VWA3B: variants seen among roughly 807,000 people sequenced by gnomAD.
VWA3B encodes von Willebrand factor A domain containing 3B, also known as von Willebrand factor A domain-containing protein 3B.
In VWA3B, 138 loss-of-function variants were observed where a neutral mutation model predicts 158.3. The ratio of observed to expected loss-of-function variants is 0.87; its 90% CI spans 0.76 to 1.00. The LOEUF is 1.00. VWA3B is among the 50% of genes least tolerant of loss of function. VWA3B has a pLI of 0.00. For synonymous variants in VWA3B, 596 were observed against 587.3 expected (o/e 1.01, Z -0.21); for missense variants, 1,555 against 1,565.1 (o/e 0.99, Z 0.11).
intron 26 of VWA3B, among the ~76,000 whole-genome samples, chr2:98,308,918 C>T (rs1042272380): frequency 6.6e-6 from 1 of 152,074 alleles, no homozygotes; most frequent in African/African-American, 2.4e-5. Context: ...ATGCCTGTAA[C>T]CCTAGCACTT....
Position 98,222,646 on chromosome 2 carries a change from G to C in VWA3B, c.2019+4618G>C, listed in dbSNP as rs566007709. On this transcript the variant is annotated intron_variant, in intron 14 of 27. Transcript: ENST00000477737. The stretch of plus-strand genomic sequence containing the variant: ...GGAACACCTGGAGGACAGCAGGGGA[G>C]GTACCAAGAGACACCTGGAAGCCTG... 9.2e-5 allele frequency among the ~76,000 whole-genome samples: 14 copies of C among 152,264 alleles called. No individual in the cohort carries two copies. In the South Asian group the frequency reaches 2.9e-3, roughly 32 times the overall value.
intron 2 of VWA3B, among the ~76,000 whole-genome samples, chr2:98,094,968 A>G (rs917463488): frequency 1.2e-4 from 18 of 152,070 alleles, no homozygotes; most frequent in African/African-American, 4.3e-4. Flanking sequence ...TCTCTATTCT[A>G]TTCCATTGAT....
At chr2:98,323,746 G>A in the VWA3B span, among the ~76,000 whole-genome samples, 9 of 152,142 alleles carry the variant, frequency 5.9e-5, no homozygotes, top group African/African-American at 1.9e-4. Flanking sequence ...AAAGCTATAG[G>A]CACTGGAGGA....
chr2:98,215,636 G>T (rs1683921531), intron 13 of VWA3B, among the ~76,000 whole-genome samples: 1 of 149,314 alleles, frequency 6.7e-6, no homozygotes, highest in Non-Finnish European at 1.5e-5. Context: ...TCCTGCCTCA[G>T]CCTCCCCAGC....
At chr2:98,303,421 G>GGTGTGTGTGTGTGTGTGTGTGT (rs58157632) in intron 25 of VWA3B, among the ~76,000 whole-genome samples, 1 of 146,552 alleles carries the variant, frequency 6.8e-6, no homozygotes, top group African/African-American at 2.5e-5. Context: ...GTTATGTGAA[G>GGTGTGTGTGTGTGTGTGTGTGT]GTGTGTGTGT....
At chr2:98,276,173 G>C (rs576907342) in intron 22 of VWA3B, among the ~76,000 whole-genome samples, 3 of 152,268 alleles carry the variant, frequency 2.0e-5, no homozygotes, top group East Asian at 3.9e-4. Context: ...CTTTCCACTC[G>C]TGGCATGGCT....
intron 2 of VWA3B, among the ~76,000 whole-genome samples, chr2:98,104,866 A>G (rs1280106600): frequency 6.6e-6 from 1 of 152,228 alleles, no homozygotes; most frequent in Non-Finnish European, 1.5e-5. Context: ...TAGATTTCAT[A>G]TGACTTCATA....
At chr2:98,242,264 C>A in intron 19 of VWA3B, 1 of 456,142 alleles carries the variant, frequency 2.2e-6, no homozygotes. Context: ...CAGTGTTTCC[C>A]GGACCAGCCT....
intron 15 of VWA3B, 101 bp from the exon 16 acceptor site, chr2:98,229,949 G>T: frequency 7.7e-7 from 1 of 1,297,344 alleles, no homozygotes; most frequent in Non-Finnish European, 1.0e-6. Context: ...TTTAAAGTTT[G>T]CAGTGTTCAA....
At chr2:98,168,509 T>C (rs1265577756) in intron 8 of VWA3B, among the ~76,000 whole-genome samples, 1 of 152,128 alleles carries the variant, frequency 6.6e-6, no homozygotes, top group Non-Finnish European at 1.5e-5. Context: ...CCTTTCATCA[T>C]TGGCTAGCCA....
intron 22 of VWA3B, among the ~76,000 whole-genome samples, chr2:98,279,365 G>A (rs1200528941): frequency 6.6e-5 from 10 of 152,130 alleles, no homozygotes; most frequent in African/African-American, 1.7e-4. Context: ...CACCCTCCTC[G>A]CTGGAGATTC....
At chr2:98,314,235 G>C (rs1251763940), downstream of VWA3B, among the ~76,000 whole-genome samples, 1 of 152,236 alleles carries the variant, frequency 6.6e-6, no homozygotes, top group East Asian at 1.9e-4. Flanking sequence ...CAGGGTCAGG[G>C]CTGGTGAGCA....
At chr2:98,227,746 G>T (rs1468858134) in intron 14 of VWA3B, among the ~76,000 whole-genome samples, 1 of 152,172 alleles carries the variant, frequency 6.6e-6, no homozygotes, top group Non-Finnish European at 1.5e-5. Flanking sequence ...TTGAGGGAGA[G>T]GGCTTGTAGG....
chr2:98,321,533 C>T, the VWA3B span, among the ~76,000 whole-genome samples: 3 of 152,236 alleles, frequency 2.0e-5, no homozygotes, highest in Non-Finnish European at 2.9e-5. Context: ...GGAAGCTTAT[C>T]TCTTGCATCA....
intron 6 of VWA3B, among the ~76,000 whole-genome samples, chr2:98,130,998 C>T (rs62154878): frequency 0.087 from 13,305 of 152,256 alleles, 762 homozygotes; most frequent in East Asian, 0.16. Context: ...AGCCACCCTA[C>T]TTTACCATCG....
chr2:98,207,602 A>G (rs1401535565), intron 12 of VWA3B: 1 of 497,122 alleles, frequency 2.0e-6, no homozygotes, highest in Non-Finnish European at 4.0e-6. Flanking sequence ...CTCCTGAAGG[A>G]GACCATTAAA....
At chr2:98,163,042 T>C (rs758707557) in intron 8 of VWA3B, 66 bp downstream of exon 8, 1 of 1,591,986 alleles carries the variant, frequency 6.3e-7, no homozygotes. Context: ...GACCAGGGGC[T>C]GCTTCCATGT....
chr2:98,314,752 G>A (rs1210772745), downstream of VWA3B, among the ~76,000 whole-genome samples: 1 of 152,224 alleles, frequency 6.6e-6, no homozygotes, highest in African/African-American at 2.4e-5. Context: ...GCCGGACTTG[G>A]TGGCTCACGC....
intron 7 of VWA3B, among the ~76,000 whole-genome samples, chr2:98,143,752 CTTT>C (rs534351736): frequency 6.1e-5 from 8 of 130,930 alleles, no homozygotes; most frequent in African/African-American, 1.1e-4. Flanking sequence ...CTTTTCTTTT[CTTT>C]TTTTTTTTTT....
Sources: gnomAD v4.1 joint callset for allele counts (sites outside exome capture counted in the v4.1 genomes callset) on GRCh38, gnomAD v4.1.1 for gene constraint, MANE v1.5 for transcripts, NCBI Gene and HGNC (gene_info 2026-07-23, HGNC 2026-07-21) for gene names.